Variants in MSRB3 observed in about 807,000 individuals in gnomAD.
MSRB3 encodes methionine sulfoxide reductase B3.
MSRB3 carries 13 observed loss-of-function variants against 21.0 expected under a neutral mutation model. The observed-to-expected ratio is 0.62, with a 90% CI of 0.40 to 0.98. The LOEUF (loss-of-function observed/expected upper bound fraction) is 0.98, where lower values mean the gene tolerates loss of function less well. MSRB3 is among the 50% of genes least tolerant of loss of function. MSRB3 has a pLI of 0.00. For synonymous variants in MSRB3, 87 were observed against 88.6 expected, an observed-to-expected ratio of 0.98 and a Z score of 0.10; for missense variants, 199 against 230.3, an observed-to-expected ratio of 0.86 and a Z score of 0.88.
intron 4 of MSRB3, among the ~76,000 whole-genome samples, chr12:65,352,992 A>G (rs1351317107): frequency 6.6e-6 from 1 of 151,864 alleles, no homozygotes; most frequent in Non-Finnish European, 1.5e-5. Flanking sequence ...ACCAAAAAAA[A>G]AGCCCGCATC....
intron 1 of MSRB3, chr12:65,305,095 G>T (rs1436055117): frequency 1.3e-5 from 2 of 150,854 alleles, no homozygotes; most frequent in Admixed American, 6.6e-5. Flanking sequence ...TTGAGACAGG[G>T]TCTTTCTCTG....
At chr12:65,413,858 G>A (rs936290964) in intron 5 of MSRB3, among the ~76,000 whole-genome samples, 2 of 152,140 alleles carry the variant, frequency 1.3e-5, no homozygotes, top group African/African-American at 4.8e-5. Flanking sequence ...CAATAGGTCA[G>A]AGTAGGTCTC....
At chr12:65,303,115 AC>A (rs1465859012) in intron 1 of MSRB3, among the ~76,000 whole-genome samples, 2 of 151,906 alleles carry the variant, frequency 1.3e-5, no homozygotes, top group Non-Finnish European at 2.9e-5. Context: ...CTTGTGAAAA[AC>A]CACTGATGTA....
intron 5 of MSRB3, among the ~76,000 whole-genome samples, chr12:65,393,005 G>C (rs1300745054): frequency 1.3e-5 from 2 of 151,898 alleles, no homozygotes; most frequent in Non-Finnish European, 2.9e-5. Context: ...AACAGTTTTT[G>C]TTTTATATGA....
At chr12:65,446,428 T>C (rs1882620506) in intron 5 of MSRB3, among the ~76,000 whole-genome samples, 1 of 152,244 alleles carries the variant, frequency 6.6e-6, no homozygotes, top group Admixed American at 6.5e-5. Context: ...ATCAAGATTT[T>C]TAAAATGTAA....
At chr12:65,357,563 T>C (rs1877459660) in intron 4 of MSRB3, among the ~76,000 whole-genome samples, 1 of 151,998 alleles carries the variant, frequency 6.6e-6, no homozygotes, top group African/African-American at 2.4e-5. Context: ...CATACTTTCT[T>C]AGTTTTTACC....
intron 2 of MSRB3, among the ~76,000 whole-genome samples, chr12:65,311,877 T>TA (rs1874008972): frequency 6.6e-6 from 1 of 152,112 alleles, no homozygotes; most frequent in South Asian, 2.1e-4. Context: ...AGTGATCTAT[T>TA]ATTTTTCAGC....
In MSRB3 at chr12:65,373,726, C is replaced by CA. The variant is rs1460081199; in HGVS notation, c.292+4701dup. 4.6e-5 allele frequency among the ~76,000 whole-genome samples: 7 copies of CA among 151,988 alleles called. No individual in the cohort carries two copies. The East Asian group carries it at 1.3e-3, about 29-fold the overall frequency. On this transcript the variant is annotated intron_variant, in intron 5 of 6. Transcript: ENST00000308259. ...AGTGTGCGGAGTTGAGGAGGGAGCT[C>CA]ACTATTAAATAAAGCCGAGAGTGTA... is the stretch of plus-strand genomic sequence containing the variant.
chr12:65,442,744 T>C (rs1882440475), intron 5 of MSRB3, among the ~76,000 whole-genome samples: 1 of 152,070 alleles, frequency 6.6e-6, no homozygotes. Flanking sequence ...AACACTAAAT[T>C]TGAAACCATT....
intron 4 of MSRB3, among the ~76,000 whole-genome samples, chr12:65,353,548 C>T (rs1409693496): frequency 6.6e-6 from 1 of 151,894 alleles, no homozygotes; most frequent in Non-Finnish European, 1.5e-5. Context: ...GGATTGCAAC[C>T]CCTGCCTTTT....
At chr12:65,279,180 C>G in intron 1 of MSRB3, 1 of 816,580 alleles carries the variant, frequency 1.2e-6, no homozygotes. Context: ...TCTCGCCCCG[C>G]GCGGGCCCAG....
chr12:65,302,491 T>C (rs1873393598), intron 1 of MSRB3, among the ~76,000 whole-genome samples: 1 of 152,204 alleles, frequency 6.6e-6, no homozygotes, highest in African/African-American at 2.4e-5. Context: ...TCTTACATCT[T>C]TTCATGTTCA....
At chr12:65,352,648 C>A (rs1163417342) in intron 4 of MSRB3, among the ~76,000 whole-genome samples, 4 of 151,750 alleles carry the variant, frequency 2.6e-5, no homozygotes, top group Non-Finnish European at 4.4e-5. Flanking sequence ...ACAAAAATCA[C>A]AAGCATTCTT....
intron 4 of MSRB3, among the ~76,000 whole-genome samples, chr12:65,345,243 C>T (rs919183592): frequency 6.6e-6 from 1 of 151,982 alleles, no homozygotes; most frequent in South Asian, 2.1e-4. Context: ...GTGTGTTCCA[C>T]TGAATATTTG....
intron 5 of MSRB3, among the ~76,000 whole-genome samples, chr12:65,376,942 C>G (rs1306622456): frequency 6.6e-6 from 1 of 152,134 alleles, no homozygotes; most frequent in African/African-American, 2.4e-5. Context: ...GTGCTCTCCT[C>G]CTCCCTCATA....
intron 4 of MSRB3, among the ~76,000 whole-genome samples, chr12:65,366,038 A>G (rs1877992148): frequency 2.0e-5 from 3 of 152,066 alleles, no homozygotes; most frequent in East Asian, 1.9e-4. Flanking sequence ...TCTATACCCA[A>G]CAGCCAGGCA....
intron 4 of MSRB3, among the ~76,000 whole-genome samples, chr12:65,363,341 G>A (rs1261359610): frequency 1.3e-5 from 2 of 152,054 alleles, no homozygotes; most frequent in African/African-American, 2.4e-5. Context: ...TAGAATTTTT[G>A]TGGACACTGG....
intron 4 of MSRB3, among the ~76,000 whole-genome samples, chr12:65,352,293 A>T (rs1877063740): frequency 6.6e-6 from 1 of 152,082 alleles, no homozygotes; most frequent in African/African-American, 2.4e-5. Context: ...TCAGTAAATT[A>T]GGTATTGATG....
intron 5 of MSRB3, among the ~76,000 whole-genome samples, chr12:65,417,363 CTTTTT>C (rs1038520791): frequency 5.3e-5 from 8 of 151,966 alleles, no homozygotes; most frequent in African/African-American, 1.7e-4. Context: ...TGTTAATTTC[CTTTTT>C]TAACTGACAA....
Sources: gnomAD v4.1 joint callset for allele counts (sites outside exome capture counted in the v4.1 genomes callset) on GRCh38, gnomAD v4.1.1 for gene constraint, MANE v1.5 for transcripts, NCBI Gene and HGNC (gene_info 2026-07-23, HGNC 2026-07-21) for gene names.